PRKD2: variants seen among roughly 807,000 people sequenced by gnomAD.
The protein encoded by PRKD2 is serine/threonine-protein kinase D2.
In PRKD2, 22 loss-of-function variants were observed where a neutral mutation model predicts 86.0. The observed-to-expected ratio is 0.26, with a 90% CI of 0.18 to 0.37. The LOEUF (loss-of-function observed/expected upper bound fraction) is 0.37, where lower values mean the gene tolerates loss of function less well. Ranked by LOEUF, PRKD2 falls within the 10% of genes least tolerant of loss-of-function variation. The pLI is 1.00. For missense variants in PRKD2, 818 were observed against 1,199.2 expected (o/e 0.68, Z 4.70); for synonymous variants, 509 against 510.9 (o/e 1.00, Z 0.05).
Position 46,681,804 on chromosome 19 carries a change from C to T in PRKD2, c.1972-56G>A, listed in dbSNP as rs1429059777. The stretch of plus-strand genomic sequence containing the variant: ...GGTAGATAGGTACTCAGCCAAATCC[C>T]AACCTCAGCAGCCAGCCCTCCAAAC... On this transcript the variant is annotated intron_variant, in intron 14 of 17. Transcript: ENST00000291281. The T allele has an allele frequency of 1.5e-5, 17 of 1,147,800 alleles. No homozygotes were observed. The South Asian group carries it at 1.6e-4, about 11-fold the overall frequency. 71.1% of individuals were successfully genotyped at this position (1,147,800 alleles called of 1,614,324 possible).
Position 46,678,263 on chromosome 19 carries a change from C to A in PRKD2, c.2338+133G>T. 1 of 1,373,708 alleles carries A rather than the reference C, an allele frequency of 7.3e-7. No homozygotes were observed. The highest frequency in any genetic ancestry group is 1.4e-5 in the South Asian group (1 of 71,274). The allele number at this position is 1,373,708 out of a possible 1,614,324, so 85.1% of individuals were successfully genotyped here. On this transcript the variant is annotated intron_variant, in intron 16 of 17. Transcript: ENST00000291281. The surrounding 1 kb of genome is among the most constrained non-coding windows in gnomAD (Gnocchi z 5.7). Reference sequence around the variant, plus strand: ...CCTGTAGCCACATCCCTCCAGTAGGCCCGCCCCAGCACTGGGCTCCACCCC... The same window carrying A: ...CCTGTAGCCACATCCCTCCAGTAGGACCGCCCCAGCACTGGGCTCCACCCC...
At chr19:46,684,189 T>C (rs2053360893) in intron 14 of PRKD2, among the ~76,000 whole-genome samples, 1 of 151,932 alleles carries the variant, frequency 6.6e-6, no homozygotes, top group Non-Finnish European at 1.5e-5. Flanking sequence ...CTTAAACTCC[T>C]GGCCTCAAAT....
intron 16 of PRKD2, among the ~76,000 whole-genome samples, chr19:46,675,995 G>A (rs1490670665): frequency 1.3e-5 from 2 of 152,126 alleles, no homozygotes; most frequent in Non-Finnish European, 2.9e-5. Context: ...CTGGGCTCAA[G>A]CAATCTGCCT....
At chr19:46,704,688 C>A (rs1213222955) in intron 3 of PRKD2, 39 bp from the exon 4 acceptor site, 2 of 1,559,618 alleles carry the variant, frequency 1.3e-6, no homozygotes, top group East Asian at 2.2e-5. Context: ...ATGGCGTCTG[C>A]CCCTCCTAGG....
intron 7 of PRKD2, among the ~76,000 whole-genome samples, chr19:46,700,413 C>T (rs1309333257): frequency 6.6e-6 from 1 of 151,006 alleles, no homozygotes; most frequent in South Asian, 2.1e-4. Flanking sequence ...ATCACTTGAG[C>T]TCAGGAGTCA....
chr19:46,689,615 A>G lies in PRKD2; in HGVS notation c.1893T>C (p.His631=). The G allele has an allele frequency of 6.2e-7, 1 of 1,614,140 alleles. No homozygotes were observed. Among genetic ancestry groups the G allele is most frequent in the Admixed American group, 1.7e-5 (1 of 60,006 alleles). Reference sequence around the variant, plus strand: ...ACAGGATCATCTCCAACATGTCCCCATGCAGCTTCTCCATCACCACAAACA... The same window carrying G: ...ACAGGATCATCTCCAACATGTCCCCGTGCAGCTTCTCCATCACCACAAACA... ...EKVFVVMEKL[H]GDMLEMILSS... is the part of the protein sequence containing the mutation. Residue 631 remains histidine, a synonymous_variant, in exon 14 of 18, where the codon CAT becomes CAC. Transcript: ENST00000291281.
rs2053876792 is a variant in PRKD2 at position 46,716,011 on chromosome 19, C to A, written c.240+120G>T. ...AGGGGGGCAATGCCCCCTATCCCTC[C>A]ATCACCCAAAGCTCAGGTCTCCTTC... is the stretch of plus-strand genomic sequence containing the variant. On this transcript the variant is annotated intron_variant, in intron 1 of 17. Transcript: ENST00000291281. The surrounding 1 kb of genome is among the most constrained non-coding windows in gnomAD (Gnocchi z 7.9). 4.2e-6 allele frequency: 6 copies of A among 1,425,436 alleles called. No individual in the cohort carries two copies. Among genetic ancestry groups the A allele is most frequent in the Non-Finnish European group, 5.6e-6 (6 of 1,077,904 alleles). 88.3% of individuals were successfully genotyped at this position (1,425,436 alleles called of 1,614,324 possible).
chr19:46,690,799 C>T, intron 12 of PRKD2, 93 bp from the exon 13 acceptor site: 1 of 1,160,432 alleles, frequency 8.6e-7, no homozygotes, highest in Non-Finnish European at 1.3e-6. Flanking sequence ...CTGCCCCCCA[C>T]CATGGAGACA....
At chr19:46,709,009 G>A (rs555049176) in intron 3 of PRKD2, among the ~76,000 whole-genome samples, 21 of 130,870 alleles carry the variant, frequency 1.6e-4, no homozygotes, top group Non-Finnish European at 2.0e-4. Context: ...ACGGAGTCTC[G>A]CTCTGTTGCC....
chr19:46,711,132 C>G, intron 2 of PRKD2, 94 bp from the exon 3 acceptor site: 1 of 1,455,178 alleles, frequency 6.9e-7, no homozygotes, highest in Non-Finnish European at 9.3e-7. Context: ...TGCTCCCAGC[C>G]GCAAGGTGTG....
intron 16 of PRKD2, among the ~76,000 whole-genome samples, chr19:46,677,904 C>T (rs2053234350): frequency 6.6e-6 from 1 of 152,212 alleles, no homozygotes; most frequent in South Asian, 2.1e-4. Context: ...ACCCAAGTCA[C>T]GGCCCCAGTA....
At chr19:46,697,072 TG>T in intron 9 of PRKD2, 84 bp downstream of exon 9, 1 of 1,103,236 alleles carries the variant, frequency 9.1e-7, no homozygotes, top group Non-Finnish European at 1.4e-6. Context: ...AGGATCTGTC[TG>T]GAGTAACTGG....
Position 46,689,654 on chromosome 19 carries a change from C to T in PRKD2, c.1854G>A (p.Glu618=), listed in dbSNP as rs769699024. The T allele has an allele frequency of 6.8e-6, 11 of 1,614,070 alleles. No individual in the cohort carries two copies. Among genetic ancestry groups the T allele is most frequent in the African/African-American group, 1.3e-5 (1 of 74,928 alleles). The change falls in exon 14 of 18, where the codon GAG becomes GAA. Residue 618 remains glutamate (E), a synonymous_variant. Transcript: ENST00000291281. ...PGIVNLECMF[E]TPEKVFVVME... is the part of the protein sequence containing the mutation. Reference sequence around the variant, plus strand: ...TCACCACAAACACTTTCTCAGGCGTCTCGAACATGCACTCCAGGTTCACGA... The same window carrying T: ...TCACCACAAACACTTTCTCAGGCGTTTCGAACATGCACTCCAGGTTCACGA...
chr19:46,697,247 T>G lies in PRKD2; in HGVS notation c.1240-13A>C, dbSNP rs1305596642. The G allele has an allele frequency of 1.9e-6, 3 of 1,566,728 alleles. No homozygotes were observed. Among genetic ancestry groups the G allele is most frequent in the Non-Finnish European group, 2.6e-6 (3 of 1,138,824 alleles). ...AGTGCCGCTTTCTCTGCAGAGATGTTTGAAGAGTCACGTGAACCGCCAGAC... is the reference window on the plus strand; with the variant it reads ...AGTGCCGCTTTCTCTGCAGAGATGTGTGAAGAGTCACGTGAACCGCCAGAC... On this transcript the variant is annotated splice_polypyrimidine_tract_variant and intron_variant, in intron 8 of 17. Coordinates refer to ENST00000291281, the MANE Select transcript of PRKD2 (RefSeq NM_016457.5).
At chr19:46,686,677 C>T (rs748811784) in intron 14 of PRKD2, among the ~76,000 whole-genome samples, 11 of 149,972 alleles carry the variant, frequency 7.3e-5, no homozygotes, top group Non-Finnish European at 1.5e-4. Flanking sequence ...ATAGGCCAGG[C>T]GCGGTGGCTC....
In PRKD2 at chr19:46,691,939, C is replaced by T; in HGVS notation, c.1623G>A (p.Glu541=). 6.8e-6 allele frequency: 11 copies of T among 1,614,004 alleles called. No homozygotes were observed. The highest frequency in any genetic ancestry group is 9.3e-6 in the Non-Finnish European group (11 of 1,179,940). The change falls in exon 11 of 18, where the codon GAG becomes GAA. Residue 541 remains glutamate, a synonymous_variant. Coordinates refer to ENST00000291281, the MANE Select transcript of PRKD2 (RefSeq NM_016457.5). ...GTGGGGGCAGGAGTCTCACCACATT[C>T]TCTTGGATCTGACTGTTGGACACAG... ...SISVSNSQIQ[E]NVDIATVYQI... is the part of the protein sequence containing the mutation.
At chr19:46,704,467 C>A (rs776890988) in intron 4 of PRKD2, 28 bp downstream of exon 4, 1 of 1,614,042 alleles carries the variant, frequency 6.2e-7, no homozygotes, top group Non-Finnish European at 8.5e-7. Flanking sequence ...CCCTAGCCAC[C>A]AACCCGTCCC....
At chr19:46,715,541 G>C (rs532283114) in intron 1 of PRKD2, among the ~76,000 whole-genome samples, 1 of 152,274 alleles carries the variant, frequency 6.6e-6, no homozygotes, top group South Asian at 2.1e-4. Context: ...CCCACCCTGG[G>C]GACCCTGGTG....
intron 3 of PRKD2, among the ~76,000 whole-genome samples, chr19:46,706,674 T>G (rs1333128687): frequency 6.6e-6 from 1 of 152,196 alleles, no homozygotes; most frequent in Non-Finnish European, 1.5e-5. Flanking sequence ...TCTGTGCTGA[T>G]AACCCATTAG....
Sources: gnomAD v4.1 joint callset for allele counts (sites outside exome capture counted in the v4.1 genomes callset) on GRCh38, gnomAD v4.1.1 for gene constraint, Gnocchi (gnomAD v3.1) non-coding constraint, MANE v1.5 for transcripts, NCBI Gene and HGNC (gene_info 2026-07-23, HGNC 2026-07-21) for gene names.